Variants in COA1 observed in about 807,000 individuals in gnomAD.
COA1 encodes cytochrome c oxidase assembly factor 1 homolog.
COA1 carries 13 observed loss-of-function variants against 16.0 expected under a neutral mutation model. That is an observed-to-expected ratio of 0.81 (90% CI 0.53 to 1.29). COA1 has a LOEUF of 1.29. COA1 is among the 50% of genes most tolerant of loss of function. The pLI is 0.00. For missense variants in COA1, 179 were observed against 177.0 expected (o/e 1.01, Z -0.06); for synonymous variants, 65 against 65.7 (o/e 0.99, Z 0.05).
intron 1 of COA1, among the ~76,000 whole-genome samples, chr7:43,705,434 C>T (rs1563431603): frequency 1.3e-5 from 2 of 152,220 alleles, no homozygotes; most frequent in Non-Finnish European, 1.5e-5. Context: ...CAGATACGGT[C>T]TTATGGCAAA....
At chr7:43,647,887 A>T (rs2089859263) in intron 2 of COA1, 2 of 470,704 alleles carry the variant, frequency 4.2e-6, no homozygotes, top group Non-Finnish European at 7.6e-6. Flanking sequence ...ACCCCCAGCC[A>T]GCCCAGCACA....
At chr7:43,693,121 C>A (rs1023180867) in intron 1 of COA1, among the ~76,000 whole-genome samples, 1 of 152,136 alleles carries the variant, frequency 6.6e-6, no homozygotes, top group Non-Finnish European at 1.5e-5. Context: ...CAGCCTTATT[C>A]AGCCACAGCT....
intron 1 of COA1, among the ~76,000 whole-genome samples, chr7:43,726,234 G>C (rs1477453256): frequency 6.6e-6 from 1 of 152,172 alleles, no homozygotes; most frequent in Non-Finnish European, 1.5e-5. Context: ...AAGGCAGAGA[G>C]ACAGGGAGGC....
At chr7:43,698,670 T>C (rs997632819) in intron 1 of COA1, among the ~76,000 whole-genome samples, 5 of 152,338 alleles carry the variant, frequency 3.3e-5, no homozygotes, top group African/African-American at 1.2e-4. Context: ...ATGCTAATCA[T>C]TTGTATAAAT....
chr7:43,624,661 A>G, intron 6 of COA1: 1 of 1,614,144 alleles, frequency 6.2e-7, no homozygotes, highest in Non-Finnish European at 8.5e-7. Flanking sequence ...ATTAATTCGG[A>G]TACCGACAAA....
chr7:43,647,597 C>T lies in COA1; in HGVS notation c.53G>A (p.Arg18Lys), dbSNP rs771416280. The change falls in exon 3 of 6, where the codon AGG (arginine) becomes AAG (lysine). Residue 18 changes from arginine to lysine, a missense_variant. By Grantham distance (26) the Arg-to-Lys change is conservative (BLOSUM62 2). Coordinates refer to ENST00000223336, the MANE Select transcript of COA1 (RefSeq NM_018224.4). ...ATAGAACACACCGTGGAAAAGGATC[C>T]TTGCTCCCAGAGGCATTGACCGCCT... is the stretch of plus-strand genomic sequence containing the variant. ...GSRRSMPLGA[R>K]ILFHGVFYAG... The T allele has an allele frequency of 3.7e-6, 6 of 1,614,010 alleles. No homozygotes were observed. The highest frequency in any genetic ancestry group is 5.1e-6 in the Non-Finnish European group (6 of 1,179,874).
intron 1 of COA1, among the ~76,000 whole-genome samples, chr7:43,718,804 T>G (rs2095445572): frequency 6.6e-6 from 1 of 152,164 alleles, no homozygotes; most frequent in Admixed American, 6.5e-5. Context: ...CAACTCAGGA[T>G]TCATAAGTCT....
intron 6 of COA1, chr7:43,632,249 A>T (rs1489445482): frequency 6.2e-6 from 1 of 162,254 alleles, no homozygotes; most frequent in Non-Finnish European, 1.3e-5. Context: ...CATGAGAAGG[A>T]ACTTCTCATC....
At chr7:43,725,872 T>C (rs1244841467) in intron 1 of COA1, among the ~76,000 whole-genome samples, 2 of 149,840 alleles carry the variant, frequency 1.3e-5, no homozygotes, top group Non-Finnish European at 3.0e-5. Context: ...AAAATATATA[T>C]ATTATATATA....
chr7:43,685,188 A>G, intron 1 of COA1, among the ~76,000 whole-genome samples: 1 of 152,006 alleles, frequency 6.6e-6, no homozygotes, highest in East Asian at 1.9e-4. Flanking sequence ...AGAATAAATA[A>G]AATGTGTGTC....
In COA1 at chr7:43,640,480, A is replaced by G. The variant is rs563288373; in HGVS notation, c.341+93T>C. On this transcript the variant is annotated intron_variant, in intron 5 of 5. Coordinates refer to ENST00000223336, the MANE Select transcript of COA1 (RefSeq NM_018224.4). ...GAAAAATAATTCTTCCTATGCCCAC[A>G]GTAATTTAACAACAAATGAAAACGG... 18 of 920,486 alleles carry G rather than the reference A, an allele frequency of 2.0e-5. No individual in the cohort carries two copies. In the South Asian group the frequency reaches 2.5e-4, roughly 13 times the overall value. 57.0% of individuals were successfully genotyped at this position (920,486 alleles called of 1,614,324 possible).
intron 1 of COA1, among the ~76,000 whole-genome samples, chr7:43,665,315 GT>G (rs2092808168): frequency 6.6e-6 from 1 of 152,184 alleles, no homozygotes; most frequent in African/African-American, 2.4e-5. Flanking sequence ...TTAACGAGCA[GT>G]ATAGAGCGTC....
At chr7:43,692,299 A>G (rs190993701) in intron 1 of COA1, among the ~76,000 whole-genome samples, 1 of 152,280 alleles carries the variant, frequency 6.6e-6, no homozygotes, top group African/African-American at 2.4e-5. Flanking sequence ...CAGGCAGATC[A>G]CTTAAGACCA....
chr7:43,712,219 T>G (rs1476623250), intron 1 of COA1, among the ~76,000 whole-genome samples: 1 of 152,102 alleles, frequency 6.6e-6, no homozygotes, highest in Non-Finnish European at 1.5e-5. Context: ...TTCAAGTGAT[T>G]CTCCTGCCTC....
At chr7:43,637,912 G>A (rs1309715899), downstream of COA1, among the ~76,000 whole-genome samples, 1 of 152,130 alleles carries the variant, frequency 6.6e-6, no homozygotes, top group Non-Finnish European at 1.5e-5. Context: ...CAAACACTAA[G>A]ATAAAGTAAA....
At chr7:43,691,019 A>C (rs2094252549) in intron 1 of COA1, among the ~76,000 whole-genome samples, 1 of 134,270 alleles carries the variant, frequency 7.4e-6, no homozygotes, top group South Asian at 2.5e-4. Context: ...GGAGTTAAAG[A>C]CCAGCCTGGG....
At chr7:43,670,721 C>G (rs575489375) in intron 1 of COA1, among the ~76,000 whole-genome samples, 1 of 152,256 alleles carries the variant, frequency 6.6e-6, no homozygotes, top group South Asian at 2.1e-4. Flanking sequence ...CAAACATATA[C>G]TTTTATCCTT....
At chr7:43,727,011 G>C (rs1290892685) in intron 1 of COA1, among the ~76,000 whole-genome samples, 1 of 152,036 alleles carries the variant, frequency 6.6e-6, no homozygotes, top group Non-Finnish European at 1.5e-5. Context: ...TTTAATGGTC[G>C]CAACACAAAG....
intron 1 of COA1, among the ~76,000 whole-genome samples, chr7:43,654,187 T>C (rs781779654): frequency 2.0e-5 from 3 of 152,044 alleles, no homozygotes; most frequent in Non-Finnish European, 2.9e-5. Context: ...TTTGTAGCAA[T>C]CAGGAAACAG....
Sources: gnomAD v4.1 joint callset for allele counts (sites outside exome capture counted in the v4.1 genomes callset) on GRCh38, gnomAD v4.1.1 for gene constraint, MANE v1.5 for transcripts, NCBI Gene and HGNC (gene_info 2026-07-23, HGNC 2026-07-21) for gene names.